GET1: variants seen among roughly 807,000 people sequenced by gnomAD.
GET1 encodes congenital heart disease 5 protein.
A neutral mutation model predicts 22.6 loss-of-function variants in GET1; 20 were observed. The ratio of observed to expected loss-of-function variants is 0.89; its 90% CI spans 0.62 to 1.29. The LOEUF (loss-of-function observed/expected upper bound fraction) is 1.29, where lower values mean the gene tolerates loss of function less well. Ranked by LOEUF, GET1 falls within the 50% of genes most tolerant of loss-of-function variation. The probability of loss-of-function intolerance (pLI) is 0.00; values close to 1 mark genes in which losing one functional copy is unlikely to be tolerated. For missense variants in GET1, 209 were observed against 219.9 expected (o/e 0.95, Z 0.31); for synonymous variants, 92 against 83.8 (o/e 1.10, Z -0.53).
intron 1 of GET1, among the ~76,000 whole-genome samples, chr21:39,417,076 A>G (rs1302159669): frequency 6.6e-6 from 1 of 152,240 alleles, no homozygotes; most frequent in East Asian, 1.9e-4. Flanking sequence ...TCTGTCACCC[A>G]GGCTGGAGTG....
chr21:39,420,197 G>C (rs781099476), intron 1 of GET1, among the ~76,000 whole-genome samples: 15 of 152,046 alleles, frequency 9.9e-5, no homozygotes, highest in African/African-American at 2.4e-4. Flanking sequence ...TATGATTGTA[G>C]AGAAAATATC....
At chr21:39,427,981 CCTTT>C (rs776814986) in intron 1 of GET1, 66 of 474,776 alleles carry the variant, frequency 1.4e-4, no homozygotes, top group Non-Finnish European at 2.3e-4. Context: ...ACATGTGAAG[CCTTT>C]CTGTTATTTT....
At chr21:39,411,579 A>G, downstream of GET1, 1 of 471,578 alleles carries the variant, frequency 2.1e-6, no homozygotes, top group East Asian at 3.3e-5. Flanking sequence ...CAGTCTCGTT[A>G]TTCTTCTAGA....
At chr21:39,380,950 A>T in intron 1 of GET1, 1 of 997,060 alleles carries the variant, frequency 1.0e-6, no homozygotes, top group Non-Finnish European at 1.2e-6. Context: ...AGGTGTAGAG[A>T]GAATCTCAGT....
chr21:39,380,908 C>T, intron 1 of GET1: 6 of 992,746 alleles, frequency 6.0e-6, no homozygotes, highest in Non-Finnish European at 7.2e-6. Flanking sequence ...CGTCCAGGAG[C>T]CCACATTCTT....
chr21:39,425,025 T>G (rs2074414929), intron 1 of GET1, among the ~76,000 whole-genome samples: 1 of 152,214 alleles, frequency 6.6e-6, no homozygotes. Context: ...CACAGGTGTG[T>G]GCATTTGTAG....
chr21:39,410,282 A>G, downstream of GET1: 1 of 1,606,200 alleles, frequency 6.2e-7, no homozygotes, highest in South Asian at 1.1e-5. Flanking sequence ...TCAAAGGTGG[A>G]ACATCTGATT....
chr21:39,411,330 G>C (rs2040055669), downstream of GET1, among the ~76,000 whole-genome samples: 1 of 152,128 alleles, frequency 6.6e-6, no homozygotes, highest in Non-Finnish European at 1.5e-5. Context: ...AACCCACTGA[G>C]CTGCGTGCAC....
chr21:39,410,331 A>G (rs776454731), downstream of GET1: 1 of 1,610,134 alleles, frequency 6.2e-7, no homozygotes, highest in South Asian at 1.1e-5. Flanking sequence ...GAATGGCAAA[A>G]TTTTTCTGTC....
chr21:39,386,096 C>G (rs1473147463), intron 1 of GET1: 1 of 152,314 alleles, frequency 6.6e-6, no homozygotes, highest in African/African-American at 2.4e-5. Flanking sequence ...GCCTTCTGGG[C>G]TTACGGGCCG....
intron 1 of GET1, among the ~76,000 whole-genome samples, chr21:39,415,504 A>G (rs1427770741): frequency 1.3e-5 from 2 of 152,188 alleles, no homozygotes; most frequent in Admixed American, 6.5e-5. Flanking sequence ...TTTGAAGCAA[A>G]TCTAGACCTC....
downstream of GET1, among the ~76,000 whole-genome samples, chr21:39,398,706 T>C (rs1601647818): frequency 6.7e-6 from 1 of 148,968 alleles, no homozygotes; most frequent in East Asian, 2.1e-4. Flanking sequence ...CTTTGCCTCC[T>C]GGGTTCAAGT....
intron 3 of GET1, 134 bp downstream of exon 3, chr21:39,391,970 G>C: frequency 1.3e-6 from 1 of 749,330 alleles, no homozygotes; most frequent in South Asian, 1.5e-5. Context: ...CTGCCCACAT[G>C]GAGCTCTAAA....
intron 1 of GET1, among the ~76,000 whole-genome samples, chr21:39,383,615 G>T (rs2146912436): frequency 6.7e-6 from 1 of 149,080 alleles, no homozygotes; most frequent in Admixed American, 6.7e-5. Flanking sequence ...GTCTCTCTCT[G>T]TCACCCAGGC....
downstream of GET1, among the ~76,000 whole-genome samples, chr21:39,409,695 C>T (rs559158586): frequency 6.6e-6 from 1 of 152,124 alleles, no homozygotes; most frequent in Non-Finnish European, 1.5e-5. This position sits in a 1 kb window ranked among gnomAD's most constrained non-coding sequence, Gnocchi z 4.2. Context: ...TGGGTCCAAG[C>T]GATTTTCCTG....
At chr21:39,387,913 G>A (rs958381133) in intron 1 of GET1, 6 of 881,190 alleles carry the variant, frequency 6.8e-6, no homozygotes, top group Admixed American at 6.2e-5. Context: ...GCACACTTTA[G>A]ATACACTATA....
At chr21:39,406,704 T>G, downstream of GET1, 2 of 927,536 alleles carry the variant, frequency 2.2e-6, no homozygotes, top group Non-Finnish European at 3.3e-6. Flanking sequence ...GTGCACCGCC[T>G]CACAAGCACA....
chr21:39,393,363 C>A, intron 4 of GET1, 83 bp downstream of exon 4: 3 of 1,086,326 alleles, frequency 2.8e-6, no homozygotes, highest in Non-Finnish European at 4.1e-6. Context: ...GTTAGCCTGA[C>A]ATCCTCCTCA....
chr21:39,394,122 G>A (rs13051571), intron 4 of GET1, among the ~76,000 whole-genome samples: 98,973 of 151,660 alleles, frequency 0.65, 32,762 homozygotes, highest in East Asian at 0.78. Flanking sequence ...CTGAGCTCAG[G>A]AGTTTGAGAC....
Sources: allele counts gnomAD v4.1 joint callset (sites outside exome capture counted in the v4.1 genomes callset), GRCh38; gene constraint gnomAD v4.1.1; non-coding constraint Gnocchi (gnomAD v3.1); transcripts MANE v1.5; gene names NCBI Gene and HGNC (gene_info 2026-07-23, HGNC 2026-07-21).